The following DMD variants were observed in gnomAD, a reference collection of about 807,000 sequenced individuals.
DMD encodes dystrophin, also known as mutant dystrophin.
DMD carries 63 observed loss-of-function variants against 330.1 expected under a neutral mutation model. That is an observed-to-expected ratio of 0.19 (90% CI 0.16 to 0.24). The LOEUF (loss-of-function observed/expected upper bound fraction) is 0.24, where lower values mean the gene tolerates loss of function less well. Ranked by LOEUF, DMD falls within the 10% of genes least tolerant of loss-of-function variation. The pLI is 1.00. For synonymous variants in DMD, 1,223 were observed against 959.8 expected, an observed-to-expected ratio of 1.27 and a Z score of -5.07; for missense variants, 3,344 against 2,684.1, an observed-to-expected ratio of 1.25 and a Z score of -5.43.
chrX:32,837,478 G>A (rs1328446082), intron 4 of DMD, among the ~76,000 whole-genome samples: 2 of 111,106 alleles, frequency 1.8e-5, no homozygotes, highest in African/African-American at 6.5e-5. Flanking sequence ...CCAACATGAG[G>A]GATTTTATCA....
At chrX:31,137,631 T>C (rs1215094329) in intron 76 of DMD, among the ~76,000 whole-genome samples, 1 of 110,199 alleles carries the variant, frequency 9.1e-6, no homozygotes, top group Admixed American at 9.6e-5. Flanking sequence ...CCTGGCATAT[T>C]GTTCACTGAA....
intron 64 of DMD, among the ~76,000 whole-genome samples, chrX:31,221,722 G>C (rs1602922326): frequency 1.8e-5 from 2 of 112,569 alleles, no homozygotes; most frequent in South Asian, 7.2e-4. Flanking sequence ...GAACATCCTG[G>C]TTATCCCTTG....
intron 55 of DMD, among the ~76,000 whole-genome samples, chrX:31,550,101 A>T (rs909262142): frequency 1.3e-4 from 14 of 111,477 alleles, no homozygotes; most frequent in Admixed American, 1.2e-3. Context: ...GCCACCCTCC[A>T]GGGTGGCAAC....
At chrX:31,434,193 C>T (rs1460492847) in intron 60 of DMD, among the ~76,000 whole-genome samples, 1 of 111,507 alleles carries the variant, frequency 9.0e-6, no homozygotes, top group East Asian at 2.8e-4. Context: ...ATTAACTCTG[C>T]AGTCCATTAC....
At chrX:32,206,009 G>A (rs1474943510) in intron 44 of DMD, 1 of 486,121 alleles carries the variant, frequency 2.1e-6, no homozygotes, top group East Asian at 3.8e-5. Flanking sequence ...TTGAGCAACA[G>A]TTATCTTTAA....
intron 57 of DMD, among the ~76,000 whole-genome samples, chrX:31,483,509 G>A (rs754371862): frequency 1.8e-5 from 2 of 112,402 alleles, no homozygotes; most frequent in South Asian, 3.7e-4. Context: ...TTTGCCCATC[G>A]AGTTGTTGCC....
At chrX:31,976,736 T>C (rs2095438918) in intron 44 of DMD, among the ~76,000 whole-genome samples, 1 of 111,825 alleles carries the variant, frequency 8.9e-6, no homozygotes, top group Admixed American at 9.5e-5. Flanking sequence ...TGAGAAAGTG[T>C]TGTGCTTTAA....
intron 2 of DMD, among the ~76,000 whole-genome samples, chrX:32,948,315 C>T (rs950175704): frequency 8.9e-6 from 1 of 111,776 alleles, no homozygotes; most frequent in African/African-American, 3.3e-5. Context: ...TCACCCTGTT[C>T]TCTGGATGCC....
At chrX:31,168,407 A>C (rs1169969045) in intron 74 of DMD, among the ~76,000 whole-genome samples, 1 of 111,126 alleles carries the variant, frequency 9.0e-6, no homozygotes, top group Non-Finnish European at 1.9e-5. Flanking sequence ...CAAGGGTGGG[A>C]AAGAGACTAA....
intron 54 of DMD, among the ~76,000 whole-genome samples, chrX:31,628,499 T>C (rs904704630): frequency 5.4e-5 from 6 of 111,882 alleles, no homozygotes; most frequent in African/African-American, 1.9e-4. Context: ...GTGCAAACTA[T>C]CATTTTGCAT....
chrX:32,696,311 A>G (rs1569465814), intron 9 of DMD, among the ~76,000 whole-genome samples: 1 of 112,106 alleles, frequency 8.9e-6, no homozygotes, highest in Non-Finnish European at 1.9e-5. Flanking sequence ...AAACCTAACT[A>G]CATGTAACAT....
intron 2 of DMD, among the ~76,000 whole-genome samples, chrX:32,962,969 T>C (rs1308113470): frequency 9.0e-6 from 1 of 111,339 alleles, no homozygotes; most frequent in African/African-American, 3.3e-5. Flanking sequence ...CCTTCATGGA[T>C]CTACACAACC....
intron 42 of DMD, among the ~76,000 whole-genome samples, chrX:32,307,432 T>C (rs1230779758): frequency 9.0e-6 from 1 of 111,656 alleles, no homozygotes; most frequent in Non-Finnish European, 1.9e-5. Context: ...CTGACACTCA[T>C]GAGCTTTGAT....
chrX:32,475,599 T>C (rs2041150080), intron 21 of DMD, among the ~76,000 whole-genome samples: 1 of 111,163 alleles, frequency 9.0e-6, no homozygotes, highest in Non-Finnish European at 1.9e-5. Context: ...CCTAAGTTTT[T>C]TGTTGTTGTT....
intron 47 of DMD, among the ~76,000 whole-genome samples, chrX:31,906,812 C>T (rs1011534685): frequency 8.9e-6 from 1 of 111,779 alleles, no homozygotes; most frequent in Non-Finnish European, 1.9e-5. Flanking sequence ...CCCCTCCAAC[C>T]TCACCTTCTA....
intron 7 of DMD, among the ~76,000 whole-genome samples, chrX:32,775,705 T>C (rs945292382): frequency 9.7e-5 from 11 of 113,083 alleles, no homozygotes; most frequent in African/African-American, 3.5e-4. Context: ...TTTTCCCTTC[T>C]AGGCCTCTGG....
intron 56 of DMD, among the ~76,000 whole-genome samples, chrX:31,506,591 A>G (rs917646456): frequency 1.8e-5 from 2 of 112,451 alleles, no homozygotes; most frequent in African/African-American, 6.5e-5. Flanking sequence ...AAACTGGTAT[A>G]ACAAGAACTT....
At chrX:32,787,246 G>C (rs1051810996) in intron 7 of DMD, among the ~76,000 whole-genome samples, 1 of 90,106 alleles carries the variant, frequency 1.1e-5, no homozygotes, top group African/African-American at 4.4e-5. Flanking sequence ...GTGTGTGTGT[G>C]TGAGAGAGAG....
At chrX:31,155,184 C>T (rs1461596241) in intron 74 of DMD, among the ~76,000 whole-genome samples, 1 of 112,157 alleles carries the variant, frequency 8.9e-6, no homozygotes, top group Non-Finnish European at 1.9e-5. Flanking sequence ...CTCTAGCAAT[C>T]GTAACTATTA....
Sources: gnomAD v4.1 joint callset for allele counts (sites outside exome capture counted in the v4.1 genomes callset) on GRCh38, gnomAD v4.1.1 for gene constraint, MANE v1.5 for transcripts, NCBI Gene and HGNC (gene_info 2026-07-23, HGNC 2026-07-21) for gene names.